The following WWOX variants were observed in gnomAD, a reference collection of about 807,000 sequenced individuals.
WWOX encodes the protein WW domain containing oxidoreductase.
WWOX carries 69 observed loss-of-function variants against 46.2 expected under a neutral mutation model. That is an observed-to-expected ratio of 1.49 (90% CI 1.23 to 1.82). WWOX has a LOEUF of 1.82. WWOX is among the 40% of genes most tolerant of loss of function. WWOX has a pLI of 0.00. For synonymous variants in WWOX, 359 were observed against 202.6 expected (o/e 1.77, Z -6.56); for missense variants, 919 against 542.6 (o/e 1.69, Z -6.89).
In WWOX at chr16:78,374,527, A is replaced by ATTTTTTTTTTTTTTTTTTTT. The variant is rs541225697; in HGVS notation, c.517-12313_517-12294dup. 2.8e-5 allele frequency among the ~76,000 whole-genome samples: 2 copies of ATTTTTTTTTTTTTTTTTTTT among 70,904 alleles called. 1 individual carries two copies. Among genetic ancestry groups the ATTTTTTTTTTTTTTTTTTTT allele is most frequent in the Non-Finnish European group, 5.1e-5 (2 of 38,882 alleles). 46.5% of individuals were successfully genotyped at this position (70,904 alleles called of 152,430 possible). A position where few individuals can be genotyped will look rare whatever the true frequency, so the allele number is the denominator to read the frequency against. On this transcript the variant is annotated intron_variant, in intron 5 of 8. Coordinates refer to ENST00000566780, the MANE Select transcript of WWOX (RefSeq NM_016373.4). The stretch of plus-strand genomic sequence containing the variant: ...GAGTCCTCAACTTTTTCTGTCTTGA[A>ATTTTTTTTTTTTTTTTTTTT]TTTTTTTTTTTTTTTTTTTTTTTTT...
chr16:79,089,110 G>A (rs1264658015), intron 8 of WWOX, among the ~76,000 whole-genome samples: 4 of 152,140 alleles, frequency 2.6e-5, no homozygotes, highest in East Asian at 1.9e-4. Context: ...GGGTGCGAAT[G>A]TGACTTTTCA....
At chr16:78,604,683 TC>T (rs1279064844) in intron 8 of WWOX, among the ~76,000 whole-genome samples, 3 of 33,078 alleles carry the variant, frequency 9.1e-5, no homozygotes, top group East Asian at 1.2e-3. Context: ...CCTCCCTCCT[TC>T]CCCCCTCCCT....
chr16:78,638,118 G>A (rs553122614), intron 8 of WWOX, among the ~76,000 whole-genome samples: 2 of 152,214 alleles, frequency 1.3e-5, no homozygotes, highest in Admixed American at 6.5e-5. Context: ...TCTAATAACT[G>A]CCCAATATCA....
chr16:78,569,922 A>T (rs1384226059), intron 8 of WWOX, among the ~76,000 whole-genome samples: 2 of 152,194 alleles, frequency 1.3e-5, no homozygotes, highest in African/African-American at 2.4e-5. Flanking sequence ...CTCTTGTCAC[A>T]TGGTGCTCTT....
intron 4 of WWOX, among the ~76,000 whole-genome samples, chr16:78,127,496 C>A (rs2033409399): frequency 1.4e-5 from 2 of 139,390 alleles, no homozygotes; most frequent in Non-Finnish European, 1.5e-5. Flanking sequence ...TAGCTTTCAT[C>A]CAGAAAAGAA....
At chr16:78,687,723 G>T (rs948299328) in intron 8 of WWOX, among the ~76,000 whole-genome samples, 1 of 152,118 alleles carries the variant, frequency 6.6e-6, no homozygotes, top group African/African-American at 2.4e-5. Flanking sequence ...TTCATTTTTA[G>T]GCATTATGTT....
chr16:78,877,429 C>G (rs2656630), intron 8 of WWOX, among the ~76,000 whole-genome samples: 2 of 152,028 alleles, frequency 1.3e-5, no homozygotes, highest in East Asian at 3.9e-4. Flanking sequence ...TATTCTTCCA[C>G]GTAGCACCAT....
In WWOX at chr16:78,618,786, G is replaced by A. The variant is rs114561260; in HGVS notation, c.1056+186034G>A. On this transcript the variant is annotated intron_variant, in intron 8 of 8. Coordinates refer to ENST00000566780, the MANE Select transcript of WWOX (RefSeq NM_016373.4). The stretch of plus-strand genomic sequence containing the variant: ...ACCTGAGACCTGAGAGGAGGAGAAG[G>A]AAGCTTGGAGTCGCTGCCCTGTGGC... 3.1e-3 allele frequency among the ~76,000 whole-genome samples: 464 copies of A among 151,930 alleles called. 4 individuals carry two copies. The highest frequency in any genetic ancestry group is 0.011 in the African/African-American group (452 of 41,420).
At chr16:78,829,691 C>A (rs114410044) in intron 8 of WWOX, among the ~76,000 whole-genome samples, 1 of 152,254 alleles carries the variant, frequency 6.6e-6, no homozygotes, top group African/African-American at 2.4e-5. Flanking sequence ...TCATTCAGTT[C>A]CCCTAACAGG....
At position 79,138,290 on chromosome 16, in the gene WWOX, A is replaced by G. The variant is rs2050022101; in HGVS notation, c.1057-73318A>G. 2.0e-5 allele frequency among the ~76,000 whole-genome samples: 3 copies of G among 152,334 alleles called. No homozygotes were observed. The South Asian group carries it at 6.2e-4, about 32-fold the overall frequency. On this transcript the variant is annotated intron_variant, in intron 8 of 8. Coordinates refer to ENST00000566780, the MANE Select transcript of WWOX (RefSeq NM_016373.4). ...CTCATAGGAAAATGTGTAATTCGTC[A>G]TGATCCTTTTGTGTGGAGAGGATGG...
At chr16:78,267,684 G>T (rs532984259) in intron 5 of WWOX, among the ~76,000 whole-genome samples, 4 of 152,208 alleles carry the variant, frequency 2.6e-5, no homozygotes, top group Non-Finnish European at 5.9e-5. Flanking sequence ...TGCCTGTGAG[G>T]TCCTCATCCT....
At chr16:78,937,443 A>G (rs2045762174) in intron 8 of WWOX, among the ~76,000 whole-genome samples, 3 of 99,498 alleles carry the variant, frequency 3.0e-5, no homozygotes. Context: ...TTGTATTTGT[A>G]TTAACTTTTT....
At chr16:79,081,942 G>C (rs2150583281) in intron 8 of WWOX, among the ~76,000 whole-genome samples, 1 of 152,272 alleles carries the variant, frequency 6.6e-6, no homozygotes, top group East Asian at 1.9e-4. Context: ...TCAAGGTTTG[G>C]CTTAACTGCA....
At chr16:78,122,568 A>G (rs780717526) in intron 4 of WWOX, among the ~76,000 whole-genome samples, 1 of 152,150 alleles carries the variant, frequency 6.6e-6, no homozygotes, top group Non-Finnish European at 1.5e-5. Context: ...AGAGTGGCAC[A>G]ATAAAAATTG....
chr16:78,447,859 A>G (rs1198026893), intron 8 of WWOX, among the ~76,000 whole-genome samples: 2 of 152,184 alleles, frequency 1.3e-5, no homozygotes, highest in Non-Finnish European at 2.9e-5. Flanking sequence ...GCTGAAGTGC[A>G]GTGGCATAGT....
At chr16:78,705,041 C>T (rs1010142532) in intron 8 of WWOX, among the ~76,000 whole-genome samples, 4 of 151,912 alleles carry the variant, frequency 2.6e-5, no homozygotes, top group African/African-American at 9.7e-5. Flanking sequence ...AGGGCAAGGA[C>T]CATGACTTTT....
intron 8 of WWOX, among the ~76,000 whole-genome samples, chr16:79,035,097 T>C (rs947744516): frequency 6.6e-6 from 1 of 152,104 alleles, no homozygotes; most frequent in Admixed American, 6.5e-5. Context: ...AACAAACAAA[T>C]AAATACACTT....
At chr16:79,210,951 A>C (rs2051715024) in intron 8 of WWOX, among the ~76,000 whole-genome samples, 1 of 152,110 alleles carries the variant, frequency 6.6e-6, no homozygotes. Flanking sequence ...TGGGTCAAAT[A>C]TGACATTTAG....
At chr16:78,501,513 T>C (rs944898509) in intron 8 of WWOX, among the ~76,000 whole-genome samples, 1 of 151,862 alleles carries the variant, frequency 6.6e-6, no homozygotes, top group African/African-American at 2.4e-5. Context: ...GGCTGTACGT[T>C]AGAACCACCT....
Sources: allele counts gnomAD v4.1 joint callset (sites outside exome capture counted in the v4.1 genomes callset), GRCh38; gene constraint gnomAD v4.1.1; transcripts MANE v1.5; gene names NCBI Gene and HGNC (gene_info 2026-07-23, HGNC 2026-07-21).